The following MARCHF4 variants were observed in gnomAD, a reference collection of about 807,000 sequenced individuals.
MARCHF4 encodes E3 ubiquitin-protein ligase MARCHF4.
In MARCHF4, 14 loss-of-function variants were observed where a neutral mutation model predicts 43.9. The observed-to-expected ratio is 0.32, with a 90% CI of 0.21 to 0.50. The LOEUF is 0.50. MARCHF4 is among the 20% of genes least tolerant of loss of function. The pLI is 0.98. For missense variants in MARCHF4, 468 were observed against 536.7 expected (o/e 0.87, Z 1.27); for synonymous variants, 226 against 213.3 (o/e 1.06, Z -0.52).
intron 1 of MARCHF4, among the ~76,000 whole-genome samples, chr2:216,289,050 AAC>A (rs1452822793): frequency 8.2e-5 from 1 of 12,218 alleles, no homozygotes; most frequent in Non-Finnish European, 4.3e-4. Context: ...TATATATATA[AAC>A]ATATATATAT....
chr2:216,313,205 T>C (rs959863551), intron 1 of MARCHF4, among the ~76,000 whole-genome samples: 6 of 152,212 alleles, frequency 3.9e-5, no homozygotes, highest in South Asian at 2.1e-4. Flanking sequence ...TGTGGCTTTT[T>C]TTCTGGGTTC....
chr2:216,280,105 G>A lies in MARCHF4; in HGVS notation c.673-2241C>T, dbSNP rs184124782. On this transcript the variant is annotated intron_variant, in intron 2 of 3. Transcript: ENST00000273067. Reference sequence around the variant, plus strand: ...AAGCGTGACGAAGGAGCAGGGTGGGGTTCTATGGACAAGGCACTCTCCTCC... The same window carrying A: ...AAGCGTGACGAAGGAGCAGGGTGGGATTCTATGGACAAGGCACTCTCCTCC... Among the ~76,000 whole-genome samples, 369 of 152,186 alleles carry A rather than the reference G, an allele frequency of 2.4e-3. 7 individuals are homozygous for A. The highest frequency in any genetic ancestry group is 1.5e-3 in the South Asian group (7 of 4,796).
At chr2:216,367,011 C>T (rs891419398) in intron 1 of MARCHF4, among the ~76,000 whole-genome samples, 3 of 152,204 alleles carry the variant, frequency 2.0e-5, no homozygotes, top group African/African-American at 2.4e-5. Flanking sequence ...TAGCTGGATT[C>T]TCTTGCTGTT....
chr2:216,294,257 A>G (rs1422027907), intron 1 of MARCHF4, among the ~76,000 whole-genome samples: 1 of 152,278 alleles, frequency 6.6e-6, no homozygotes, highest in Non-Finnish European at 1.5e-5. Context: ...TCTTACGAGC[A>G]GCCTTCCGTA....
intron 1 of MARCHF4, among the ~76,000 whole-genome samples, chr2:216,354,833 G>C (rs1325205931): frequency 6.6e-6 from 1 of 151,970 alleles, no homozygotes; most frequent in Non-Finnish European, 1.5e-5. Flanking sequence ...TGTGCCCAAA[G>C]CTGTCTTGTC....
chr2:216,356,090 T>A (rs570476724), intron 1 of MARCHF4, among the ~76,000 whole-genome samples: 2 of 152,322 alleles, frequency 1.3e-5, no homozygotes, highest in South Asian at 4.1e-4. Flanking sequence ...GGGATCACCA[T>A]GGGATAAATA....
chr2:216,330,275 T>C (rs996950954), intron 1 of MARCHF4, among the ~76,000 whole-genome samples: 1 of 152,174 alleles, frequency 6.6e-6, no homozygotes, highest in African/African-American at 2.4e-5. Context: ...TCATTGATAA[T>C]GATTTTATAA....
intron 1 of MARCHF4, among the ~76,000 whole-genome samples, chr2:216,363,340 AAC>A (rs1328629885): frequency 6.6e-6 from 1 of 152,162 alleles, no homozygotes; most frequent in Non-Finnish European, 1.5e-5. Flanking sequence ...CAACTGTCAA[AAC>A]ACAGGCATCT....
intron 3 of MARCHF4, among the ~76,000 whole-genome samples, chr2:216,270,725 A>G (rs1450714461): frequency 1.3e-5 from 2 of 151,794 alleles, no homozygotes; most frequent in Non-Finnish European, 2.9e-5. Flanking sequence ...CCTTTGTTCT[A>G]TCCATTGCCC....
intron 2 of MARCHF4, among the ~76,000 whole-genome samples, chr2:216,283,047 T>C (rs1406012065): frequency 6.6e-6 from 1 of 152,194 alleles, no homozygotes; most frequent in African/African-American, 2.4e-5. Flanking sequence ...ATCAATTACA[T>C]GCACATTGAT....
chr2:216,317,503 C>T (rs947271009), intron 1 of MARCHF4, among the ~76,000 whole-genome samples: 2 of 152,118 alleles, frequency 1.3e-5, no homozygotes, highest in South Asian at 4.1e-4. Flanking sequence ...AACCTTCCAC[C>T]TCCTGGGTTC....
At chr2:216,316,575 G>C (rs1050686121) in intron 1 of MARCHF4, among the ~76,000 whole-genome samples, 1 of 152,010 alleles carries the variant, frequency 6.6e-6, no homozygotes. Context: ...AGAGGGGTGC[G>C]GGGACAGGGT....
chr2:216,300,628 G>A (rs749895306), intron 1 of MARCHF4, among the ~76,000 whole-genome samples: 2 of 151,988 alleles, frequency 1.3e-5, no homozygotes, highest in African/African-American at 4.8e-5. Flanking sequence ...TTACAGGCAT[G>A]AGCCACCATG....
At chr2:216,323,597 A>C (rs1483701635) in intron 1 of MARCHF4, among the ~76,000 whole-genome samples, 1 of 152,222 alleles carries the variant, frequency 6.6e-6, no homozygotes, top group Admixed American at 6.5e-5. Flanking sequence ...AAAGAACACA[A>C]ATTATAACAA....
At chr2:216,324,025 A>C (rs1011789023) in intron 1 of MARCHF4, among the ~76,000 whole-genome samples, 2 of 152,004 alleles carry the variant, frequency 1.3e-5, no homozygotes, top group Non-Finnish European at 2.9e-5. Context: ...TGAATCCAGG[A>C]GCTGGTTTTT....
At chr2:216,350,561 A>T (rs979255891) in intron 1 of MARCHF4, among the ~76,000 whole-genome samples, 1 of 151,628 alleles carries the variant, frequency 6.6e-6, no homozygotes, top group East Asian at 1.9e-4. Context: ...ACTGTGCCAC[A>T]CCACCTCACT....
At chr2:216,356,405 T>C (rs190677675) in intron 1 of MARCHF4, among the ~76,000 whole-genome samples, 1 of 152,208 alleles carries the variant, frequency 6.6e-6, no homozygotes, top group African/African-American at 2.4e-5. Context: ...GAACTAATAC[T>C]TCTCAAGAGC....
intron 1 of MARCHF4, among the ~76,000 whole-genome samples, chr2:216,291,083 G>C (rs1045311482): frequency 6.6e-6 from 1 of 152,156 alleles, no homozygotes; most frequent in Admixed American, 6.6e-5. Context: ...AAAGCAGTGA[G>C]TATAGGTAGG....
intron 1 of MARCHF4, among the ~76,000 whole-genome samples, chr2:216,336,759 A>AAAAAAAAAAAAAAAAAAAAAAAAAAAAAC (rs1692164174): frequency 6.7e-6 from 1 of 149,458 alleles, no homozygotes; most frequent in Non-Finnish European, 1.5e-5. Context: ...AAAAAAAAAA[A>AAAAAAAAAAAAAAAAAAAAAAAAAAAAAC]AAAAAAAAGC....
Sources: gnomAD v4.1 joint callset for allele counts (sites outside exome capture counted in the v4.1 genomes callset) on GRCh38, gnomAD v4.1.1 for gene constraint, MANE v1.5 for transcripts, NCBI Gene and HGNC (gene_info 2026-07-23, HGNC 2026-07-21) for gene names.